MYH7B: variants seen among roughly 807,000 people sequenced by gnomAD.
MYH7B encodes myosin-7B.
MYH7B carries 205 observed loss-of-function variants against 234.5 expected under a neutral mutation model. That is an observed-to-expected ratio of 0.87 (90% CI 0.78 to 0.98). MYH7B has a LOEUF of 0.98. MYH7B is among the 50% of genes least tolerant of loss of function. The pLI is 0.00. For missense variants in MYH7B, 2,652 were observed against 2,633.4 expected (o/e 1.01, Z -0.15); for synonymous variants, 1,193 against 1,105.0 (o/e 1.08, Z -1.58).
exon 24 of MYH7B, chr20:34,991,115 G>T: frequency 6.2e-7 from 1 of 1,604,380 alleles, no homozygotes; most frequent in Non-Finnish European, 8.5e-7. Flanking sequence ...ACCGACTTCC[G>T]GCAGCGGTGG....
chr20:35,002,266 A>C, exon 45 of MYH7B: 1 of 1,460,824 alleles, frequency 6.8e-7, no homozygotes, highest in South Asian at 1.4e-5. Context: ...CGATCCTGCC[A>C]TCTCTGCATC....
At chr20:34,977,901 T>C in intron 4 of MYH7B, 33 bp from the exon 5 acceptor site, 1 of 1,611,900 alleles carries the variant, frequency 6.2e-7, no homozygotes, top group East Asian at 2.2e-5. Flanking sequence ...GATCGTGCCC[T>C]AGTTCAGCTC....
chr20:34,999,886 C>T (rs1218061871), exon 38 of MYH7B: 10 of 1,613,536 alleles, frequency 6.2e-6, no homozygotes, highest in Middle Eastern at 1.7e-4. Context: ...CAGAGAAAGA[C>T]GAGGAGTGCG....
In MYH7B at chr20:34,996,360, G is replaced by A. The variant is rs201271231; in HGVS notation, c.2958G>A (p.Thr986=). 292 of 1,596,088 alleles carry A rather than the reference G, an allele frequency of 1.8e-4. 3 individuals are homozygous for A. The African/African-American group carries it at 2.6e-3, about 14-fold the overall frequency. ...CCCTGGCACAGGTGAAGAACCTGAC[G>A]GAAGAGATGGCTGCGCTGGACGAGT... Residue 986 remains threonine, a synonymous_variant, in exon 29 of 45, where the codon ACG becomes ACA. Coordinates refer to ENST00000262873, the Ensembl canonical transcript of MYH7B.
At chr20:34,976,489 G>A (rs1006505854) in intron 3 of MYH7B, among the ~76,000 whole-genome samples, 1 of 152,214 alleles carries the variant, frequency 6.6e-6, no homozygotes, top group Non-Finnish European at 1.5e-5. Flanking sequence ...TGGGGTGATG[G>A]ACAGGAGAGC....
At chr20:34,965,358 G>C (rs1009241501) in intron 2 of MYH7B, among the ~76,000 whole-genome samples, 1 of 152,244 alleles carries the variant, frequency 6.6e-6, no homozygotes, top group Non-Finnish European at 1.5e-5. Context: ...GCCCAGGCTT[G>C]GGTGAGAAAC....
In MYH7B at chr20:34,979,509, C is replaced by T. The variant is rs759872857; in HGVS notation, c.198+13C>T. ...CAAAGACCAGAAGGTTCCGTTCCCC[C>T]TTTCCTGAGATTAGCCTCTCTGTCC... On this transcript the variant is annotated intron_variant, in intron 6 of 44. Transcript: ENST00000262873. The T allele has an allele frequency of 1.2e-6, 2 of 1,608,038 alleles. No individual in the cohort carries two copies. The highest frequency in any genetic ancestry group is 1.7e-5 in the Admixed American group (1 of 59,606).
intron 2 of MYH7B, among the ~76,000 whole-genome samples, chr20:34,961,688 C>A (rs2081699115): frequency 1.3e-5 from 2 of 152,202 alleles, no homozygotes. Flanking sequence ...CAGTAATTTA[C>A]TTTCTTTGTC....
At chr20:34,967,773 G>A (rs1314132591) in intron 2 of MYH7B, among the ~76,000 whole-genome samples, 1 of 152,206 alleles carries the variant, frequency 6.6e-6, no homozygotes, top group African/African-American at 2.4e-5. Context: ...GAGAGTGTTT[G>A]TTTGAAGCAC....
rs1039593660 is a variant in MYH7B at position 34,995,589 on chromosome 20, G to T, written c.2943+11G>T. ...GCCACTGAGAACAAGGTGTGGGCCG[G>T]GCCAGCTGTGGGGAAGGGCCCTGAG... is the stretch of plus-strand genomic sequence containing the variant. On this transcript the variant is annotated intron_variant, in intron 28 of 44. Coordinates refer to ENST00000262873, the Ensembl canonical transcript of MYH7B. The T allele has an allele frequency of 6.2e-7, 1 of 1,613,184 alleles. No homozygotes were observed. The highest frequency in any genetic ancestry group is 8.5e-7 in the Non-Finnish European group (1 of 1,179,708).
intron 19 of MYH7B, 123 bp from the exon 20 acceptor site, chr20:34,989,617 A>C: frequency 1.1e-6 from 1 of 939,876 alleles, no homozygotes. Flanking sequence ...CCATCCGGGG[A>C]GATGGCTGAA....
intron 3 of MYH7B, 118 bp from the exon 4 acceptor site, chr20:34,977,514 C>T: frequency 1.1e-6 from 1 of 908,594 alleles, no homozygotes; most frequent in Non-Finnish European, 1.7e-6. Flanking sequence ...TAAAAATAGC[C>T]CAGGGGCCGT....
At chr20:34,983,346 C>T (rs1270739729) in intron 10 of MYH7B, among the ~76,000 whole-genome samples, 2 of 63,820 alleles carry the variant, frequency 3.1e-5, no homozygotes, top group Non-Finnish European at 3.2e-5. Context: ...ATTTGATTGT[C>T]TTGATTTTTG....
exon 28 of MYH7B, chr20:34,995,443 G>C: frequency 6.2e-7 from 1 of 1,613,714 alleles, no homozygotes; most frequent in Non-Finnish European, 8.5e-7. Flanking sequence ...TGGAGGATGA[G>C]GAGGAGGTGA....
At chr20:34,994,177 C>A in exon 27 of MYH7B, 5 of 1,613,404 alleles carry the variant, frequency 3.1e-6, no homozygotes, top group Non-Finnish European at 4.2e-6. Flanking sequence ...GTGGAACATC[C>A]GTGCCTTCAA....
At chr20:34,968,614 A>T (rs1473482940) in intron 2 of MYH7B, among the ~76,000 whole-genome samples, 1 of 151,964 alleles carries the variant, frequency 6.6e-6, no homozygotes, top group Non-Finnish European at 1.5e-5. Context: ...TGCCCCTTTC[A>T]TGTCTATTCT....
rs925417448 is a variant in MYH7B, at chr20:35,000,662, C to T, written c.5151C>T (p.Thr1717=). 17 of 1,586,022 alleles carry T rather than the reference C, an allele frequency of 1.1e-5. No individual in the cohort carries two copies. The highest frequency in any genetic ancestry group is 2.3e-5 in the East Asian group (1 of 43,860). Residue 1717 remains threonine, a synonymous_variant, in exon 39 of 45, where the codon ACC becomes ACT. Coordinates refer to ENST00000262873, the Ensembl canonical transcript of MYH7B. ...CAGAGCAGGAGCTTTTGGAGGCCACCGAGCGCCTCAACCTTCTGCATTCGC... is the reference window on the plus strand; with the variant it reads ...CAGAGCAGGAGCTTTTGGAGGCCACTGAGCGCCTCAACCTTCTGCATTCGC...
At chr20:34,996,990 CAG>C in intron 30 of MYH7B, 91 bp from the exon 31 acceptor site, 1 of 1,401,434 alleles carries the variant, frequency 7.1e-7, no homozygotes, top group South Asian at 1.3e-5. Flanking sequence ...TGAGGTCCCT[CAG>C]GGCCTGAAGG....
intron 10 of MYH7B, among the ~76,000 whole-genome samples, 194 bp downstream of exon 10, chr20:34,982,749 G>A (rs987917910): frequency 2.6e-5 from 4 of 152,074 alleles, no homozygotes; most frequent in Admixed American, 6.6e-5. Flanking sequence ...GCCACCTGAC[G>A]CGCCTGCCTT....
Sources: gnomAD v4.1 joint callset for allele counts (sites outside exome capture counted in the v4.1 genomes callset) on GRCh38, gnomAD v4.1.1 for gene constraint, MANE v1.5 for transcripts, NCBI Gene and HGNC (gene_info 2026-07-23, HGNC 2026-07-21) for gene names.